IFT88: variants seen among roughly 807,000 people sequenced by gnomAD.
IFT88 encodes intraflagellar transport 88, also known as intraflagellar transport protein 88 homolog.
IFT88 carries 74 observed loss-of-function variants against 119.5 expected under a neutral mutation model. That is an observed-to-expected ratio of 0.62 (90% confidence interval 0.51 to 0.75). IFT88 has a LOEUF of 0.75. Ranked by LOEUF, IFT88 falls within the 30% of genes least tolerant of loss-of-function variation. IFT88 has a pLI of 0.00. For missense variants in IFT88, 961 were observed against 977.7 expected, an observed-to-expected ratio of 0.98 and a Z score of 0.23; for synonymous variants, 279 against 316.7, an observed-to-expected ratio of 0.88 and a Z score of 1.26.
intron 7 of IFT88, among the ~76,000 whole-genome samples, chr13:20,593,698 ATAT>A (rs1462597486): frequency 6.6e-6 from 1 of 152,086 alleles, no homozygotes; most frequent in Non-Finnish European, 1.5e-5. Flanking sequence ...TTTTATTTAA[ATAT>A]TATGTCATTC....
At chr13:20,678,325 G>T (rs1337461297) in intron 24 of IFT88, among the ~76,000 whole-genome samples, 2 of 152,246 alleles carry the variant, frequency 1.3e-5, no homozygotes, top group Non-Finnish European at 2.9e-5. Context: ...GAAATAGGGT[G>T]CAGAGTGGGA....
chr13:20,621,596 T>G (rs1157006366), intron 14 of IFT88, among the ~76,000 whole-genome samples: 1 of 151,990 alleles, frequency 6.6e-6, no homozygotes, highest in Non-Finnish European at 1.5e-5. Flanking sequence ...AGACTTTTTT[T>G]TTAGAACAGT....
chr13:20,597,283 T>C (rs1287599989), intron 9 of IFT88, among the ~76,000 whole-genome samples, 164 bp downstream of exon 9: 1 of 152,190 alleles, frequency 6.6e-6, no homozygotes, highest in African/African-American at 2.4e-5. Context: ...CTTTGTTTTG[T>C]GCAAAGAGCT....
At chr13:20,587,503 C>T (rs2039897381) in intron 3 of IFT88, among the ~76,000 whole-genome samples, 1 of 152,170 alleles carries the variant, frequency 6.6e-6, no homozygotes, top group Non-Finnish European at 1.5e-5. Context: ...GGTGATCCAC[C>T]CACCTCAGTG....
intron 13 of IFT88, among the ~76,000 whole-genome samples, chr13:20,614,837 A>G (rs1009142580): frequency 7.2e-5 from 4 of 55,674 alleles, no homozygotes; most frequent in Non-Finnish European, 2.6e-4. Flanking sequence ...TTTTTTTGAG[A>G]CGGAGTCTCA....
chr13:20,574,405 T>C lies in IFT88; in HGVS notation c.20T>C (p.Leu7Pro), dbSNP rs2036974926. 1.2e-6 allele frequency: 2 copies of C among 1,611,294 alleles called. No individual in the cohort carries two copies. Among genetic ancestry groups the C allele is most frequent in the East Asian group, 4.5e-5 (2 of 44,732 alleles). MMQNVH[L>P]APETDEDDLY... ...GTACAAATGATGCAAAATGTGCACC[T>C]GGCTCCAGAGACAGATGAAGATGAT... is the stretch of plus-strand genomic sequence containing the variant. The change falls in exon 2 of 26, where the codon CTG (leucine) becomes CCG (proline). Residue 7 changes from leucine (L) to proline (P), a missense_variant. Coordinates refer to ENST00000351808, the MANE Select transcript of IFT88 (RefSeq NM_006531.5).
At position 20,589,852 on chromosome 13, in the gene IFT88, A is replaced by G; in HGVS notation, c.195A>G (p.Ile65Met). The G allele has an allele frequency of 6.3e-7, 1 of 1,597,632 alleles. No homozygotes were observed. The highest frequency in any genetic ancestry group is 8.6e-7 in the Non-Finnish European group (1 of 1,168,620). ...KISSTAVTRP[I>M]ATGYGSKTSL... ...CAAGCACGGCAGTTACTAGACCTATAGCTACTGGATATGGGGTAGGTTTTT... is the reference window on the plus strand; with the variant it reads ...CAAGCACGGCAGTTACTAGACCTATGGCTACTGGATATGGGGTAGGTTTTT... Residue 65 changes from isoleucine (I) to methionine (M), a missense_variant, in exon 4 of 26, where the codon ATA becomes ATG. Physicochemically the swap from Ile to Met is conservative, Grantham distance 10. Transcript: ENST00000351808.
intron 1 of IFT88, among the ~76,000 whole-genome samples, chr13:20,572,333 C>T (rs2036531451): frequency 6.6e-6 from 1 of 151,978 alleles, no homozygotes; most frequent in African/African-American, 2.4e-5. Flanking sequence ...ATTCTCGTGC[C>T]TCAGCCTCCC....
At chr13:20,662,558 TA>T (rs1261427778) in intron 22 of IFT88, among the ~76,000 whole-genome samples, 4 of 152,204 alleles carry the variant, frequency 2.6e-5, no homozygotes, top group African/African-American at 9.6e-5. Flanking sequence ...GAAGGATGAG[TA>T]ATGAGTAACT....
At chr13:20,594,144 C>T in intron 7 of IFT88, among the ~76,000 whole-genome samples, 1 of 151,930 alleles carries the variant, frequency 6.6e-6, no homozygotes, top group East Asian at 1.9e-4. Flanking sequence ...AAGGGAAGTT[C>T]TGGGGATGGT....
At chr13:20,599,715 A>T in intron 11 of IFT88, 150 bp downstream of exon 11, 1 of 538,194 alleles carries the variant, frequency 1.9e-6, no homozygotes, top group Admixed American at 4.0e-5. Flanking sequence ...TTCCCTTCTT[A>T]CTACTTGTAC....
At chr13:20,661,474 G>C (rs972990372) in intron 22 of IFT88, among the ~76,000 whole-genome samples, 1 of 152,176 alleles carries the variant, frequency 6.6e-6, no homozygotes, top group East Asian at 1.9e-4. Flanking sequence ...GGTGGCACAC[G>C]CCTGTAATCC....
chr13:20,658,918 A>C (rs2053326305), intron 22 of IFT88, among the ~76,000 whole-genome samples: 1 of 152,208 alleles, frequency 6.6e-6, no homozygotes, highest in East Asian at 1.9e-4. Context: ...TAAGAATCAA[A>C]TGAATGATTG....
chr13:20,599,908 C>T lies in IFT88; in HGVS notation c.812+343C>T, dbSNP rs115177565. On this transcript the variant is annotated intron_variant, in intron 11 of 25. Transcript: ENST00000351808. ...CAATACAAGGCTAGAAATTAAGCTC[C>T]CCTTACGTTCTTGCTGTAGCTTGAG... 3.1e-3 allele frequency among the ~76,000 whole-genome samples: 465 copies of T among 152,182 alleles called. 1 individual carries two copies. The highest frequency in any genetic ancestry group is 0.011 in the African/African-American group (449 of 41,548).
intron 12 of IFT88, among the ~76,000 whole-genome samples, chr13:20,602,206 CTTTTTTTTT>C (rs11458148): frequency 8.5e-6 from 1 of 118,186 alleles, no homozygotes; most frequent in African/African-American, 3.2e-5. Flanking sequence ...AGCATAATAT[CTTTTTTTTT>C]TTTTTTTTTT....
At chr13:20,601,479 T>A (rs1279367929) in intron 11 of IFT88, among the ~76,000 whole-genome samples, 1 of 152,216 alleles carries the variant, frequency 6.6e-6, no homozygotes, top group East Asian at 1.9e-4. Flanking sequence ...AAAATAAGGA[T>A]GTGGTTATAG....
intron 3 of IFT88, among the ~76,000 whole-genome samples, chr13:20,584,864 C>T (rs183046078): frequency 3.1e-4 from 47 of 152,278 alleles, no homozygotes; most frequent in African/African-American, 1.1e-3. Context: ...TTGAGCAATG[C>T]TTGGAGAGAT....
chr13:20,607,780 A>T (rs1474324369), intron 13 of IFT88: 5 of 745,328 alleles, frequency 6.7e-6, no homozygotes, highest in African/African-American at 5.2e-5. Flanking sequence ...CAGCATCCTC[A>T]ACCTCGTCAG....
chr13:20,684,161 CAG>C lies in IFT88; in HGVS notation c.2243-6540_2243-6539del, dbSNP rs557968705. 6.8e-3 allele frequency among the ~76,000 whole-genome samples: 1,030 copies of C among 152,294 alleles called. 5 individuals carry two copies. The highest frequency in any genetic ancestry group is 0.012 in the Non-Finnish European group (815 of 68,032). On this transcript the variant is annotated intron_variant, in intron 24 of 25. Transcript: ENST00000351808. ...TGTTGATCAGGTGAGTATATTCTAA[CAG>C]AGAACTGCCAAGCATCCATATCACC...
Sources: gnomAD v4.1 joint callset for allele counts (sites outside exome capture counted in the v4.1 genomes callset) on GRCh38, gnomAD v4.1.1 for gene constraint, MANE v1.5 for transcripts, NCBI Gene and HGNC (gene_info 2026-07-23, HGNC 2026-07-21) for gene names.